GNG4: variants seen among roughly 807,000 people sequenced by gnomAD.
The protein encoded by GNG4 is G protein subunit gamma 4.
In GNG4, 4 loss-of-function variants were observed where a neutral mutation model predicts 5.8. That is an observed-to-expected ratio of 0.69 (90% CI 0.34 to 1.57). The LOEUF (loss-of-function observed/expected upper bound fraction) is 1.57. Ranked by LOEUF, GNG4 falls within the 40% of genes most tolerant of loss-of-function variation. GNG4 has a pLI of 0.06. For missense variants in GNG4, 96 were observed against 95.1 expected, an observed-to-expected ratio of 1.01 and a Z score of -0.04; for synonymous variants, 29 against 32.9, an observed-to-expected ratio of 0.88 and a Z score of 0.41.
At chr1:235,620,523 AGTTT>A (rs113018319) in intron 1 of GNG4, among the ~76,000 whole-genome samples, 8,896 of 152,030 alleles carry the variant, frequency 0.059, 540 homozygotes, top group African/African-American at 0.16. Flanking sequence ...TTGAATGTGC[AGTTT>A]GTTTGTTTGT....
chr1:235,629,675 C>T (rs758134677), intron 1 of GNG4, among the ~76,000 whole-genome samples: 1 of 151,864 alleles, frequency 6.6e-6, no homozygotes, highest in Non-Finnish European at 1.5e-5. Context: ...CGGCTCACTG[C>T]AAGCTCCACC....
Position 235,578,020 on chromosome 1 carries a change from C to T in GNG4, c.99+5720G>A, listed in dbSNP as rs557834674. On this transcript the variant is annotated intron_variant, in intron 3 of 3. Coordinates refer to ENST00000391854, the MANE Select transcript of GNG4 (RefSeq NM_001098722.2). ...CCCTTTCTTTCCACATTCGTATAGT[C>T]TGGCTGATACCAAGATGCACCTTTT... Among the ~76,000 whole-genome samples the T allele has an allele frequency of 2.6e-5, 4 of 152,278 alleles. No homozygotes were observed. In the South Asian group the frequency reaches 8.3e-4, roughly 32 times the overall value.
At chr1:235,625,591 A>G (rs923459519) in intron 1 of GNG4, among the ~76,000 whole-genome samples, 1 of 152,234 alleles carries the variant, frequency 6.6e-6, no homozygotes, top group African/African-American at 2.4e-5. Context: ...CGCCACATTC[A>G]GAGCAGGAGG....
intron 3 of GNG4, among the ~76,000 whole-genome samples, chr1:235,565,206 AAG>A (rs1178910651): frequency 6.6e-6 from 1 of 152,064 alleles, no homozygotes; most frequent in Non-Finnish European, 1.5e-5. Flanking sequence ...AGGCTAAAGA[AAG>A]AGGGTGGCAG....
At chr1:235,637,366 A>T (rs1010584613) in intron 1 of GNG4, among the ~76,000 whole-genome samples, 4 of 152,162 alleles carry the variant, frequency 2.6e-5, no homozygotes, top group African/African-American at 9.7e-5. Context: ...AAAGAATTAG[A>T]ATGAGGCTGG....
At chr1:235,618,806 C>G (rs1232887324) in intron 1 of GNG4, among the ~76,000 whole-genome samples, 1 of 151,608 alleles carries the variant, frequency 6.6e-6, no homozygotes, top group African/African-American at 2.4e-5. Flanking sequence ...CAGGCATGTG[C>G]CACCCCACCT....
chr1:235,590,130 C>T (rs913051795), intron 2 of GNG4, among the ~76,000 whole-genome samples: 3 of 152,192 alleles, frequency 2.0e-5, no homozygotes, highest in Admixed American at 2.0e-4. Flanking sequence ...CAACAGTCTT[C>T]CCTCCCTGCA....
intron 3 of GNG4, among the ~76,000 whole-genome samples, chr1:235,572,495 C>CTTTTTT (rs1261290924): frequency 9.8e-4 from 111 of 112,776 alleles, no homozygotes; most frequent in African/African-American, 3.8e-3. Context: ...CCACCGTGCT[C>CTTTTTT]TTTTTTTTTT....
intron 1 of GNG4, among the ~76,000 whole-genome samples, chr1:235,606,794 G>A (rs1688369507): frequency 6.6e-6 from 1 of 152,054 alleles, no homozygotes; most frequent in Non-Finnish European, 1.5e-5. Flanking sequence ...TCATGGGCCA[G>A]GGGGAGCATG....
chr1:235,611,150 G>A (rs1360739034), intron 1 of GNG4, among the ~76,000 whole-genome samples: 1 of 151,658 alleles, frequency 6.6e-6, no homozygotes, highest in African/African-American at 2.4e-5. Flanking sequence ...TACCCACAGG[G>A]CAGAGATTCT....
intron 2 of GNG4, among the ~76,000 whole-genome samples, chr1:235,591,159 CAT>C (rs1361028777): frequency 2.6e-5 from 4 of 152,300 alleles, no homozygotes; most frequent in Admixed American, 6.5e-5. Flanking sequence ...GGTTAGGTAA[CAT>C]AATTTCCCAG....
intron 1 of GNG4, among the ~76,000 whole-genome samples, chr1:235,597,619 TG>T (rs1410044366): frequency 0.048 from 5,323 of 111,902 alleles, 258 homozygotes; most frequent in African/African-American, 0.085. Context: ...TGTGTGTGTG[TG>T]TGTGTGTGTA....
rs115663337 is a variant in GNG4 at position 235,585,996 on chromosome 1, T to C, written c.-10-2148A>G. Among the ~76,000 whole-genome samples, 664 of 152,312 alleles carry C rather than the reference T, an allele frequency of 4.4e-3. 7 individuals carry two copies. Among genetic ancestry groups the C allele is most frequent in the African/African-American group, 0.015 (642 of 41,582 alleles). ...ATTTTCTATTTGGCCAGTAGGTTAG[T>C]GTATGGGACCCACTCTCTCTGTGGG... On this transcript the variant is annotated intron_variant, in intron 2 of 3. Transcript: ENST00000391854.
At chr1:235,572,912 G>T (rs1480649512) in intron 3 of GNG4, among the ~76,000 whole-genome samples, 1 of 152,146 alleles carries the variant, frequency 6.6e-6, no homozygotes, top group Non-Finnish European at 1.5e-5. Flanking sequence ...TTTTGGCCAA[G>T]AGATTTTCAG....
intron 3 of GNG4, among the ~76,000 whole-genome samples, chr1:235,553,169 G>T (rs559854924): frequency 1.3e-5 from 2 of 152,126 alleles, no homozygotes; most frequent in Non-Finnish European, 2.9e-5. Context: ...GCCTGCTGGC[G>T]CATGGCAGTT....
chr1:235,591,660 A>G (rs60285255), intron 2 of GNG4, among the ~76,000 whole-genome samples: 5,693 of 152,272 alleles, frequency 0.037, 342 homozygotes, highest in African/African-American at 0.13. Flanking sequence ...TGGAAGTAGG[A>G]ACAGAGAGGA....
intron 3 of GNG4, among the ~76,000 whole-genome samples, chr1:235,575,554 G>A (rs1687463375): frequency 6.6e-6 from 1 of 152,178 alleles, no homozygotes; most frequent in African/African-American, 2.4e-5. Context: ...ATTAATCTCA[G>A]CCTAAGGGCA....
intron 3 of GNG4, among the ~76,000 whole-genome samples, chr1:235,563,235 C>T (rs1232727317): frequency 6.6e-6 from 1 of 151,608 alleles, no homozygotes; most frequent in Non-Finnish European, 1.5e-5. Flanking sequence ...CCAGCCTGGC[C>T]AACATAGTGA....
intron 1 of GNG4, among the ~76,000 whole-genome samples, chr1:235,607,215 G>A (rs973504076): frequency 1.3e-5 from 2 of 152,092 alleles, no homozygotes; most frequent in South Asian, 4.2e-4. Flanking sequence ...CCACAGTGCT[G>A]GGATGACAGG....
Sources: gnomAD v4.1 joint callset for allele counts (sites outside exome capture counted in the v4.1 genomes callset) on GRCh38, gnomAD v4.1.1 for gene constraint, MANE v1.5 for transcripts, NCBI Gene and HGNC (gene_info 2026-07-23, HGNC 2026-07-21) for gene names.